Variants in RASGRF1 observed in about 807,000 individuals in gnomAD.
The protein encoded by RASGRF1 is ras-specific guanine nucleotide-releasing factor 1.
A neutral mutation model predicts 138.7 loss-of-function variants in RASGRF1; 40 were observed. The observed-to-expected ratio is 0.29, with a 90% CI of 0.22 to 0.38. The LOEUF is 0.38. Among genes scored for constraint, RASGRF1 ranks in the 10% least tolerant of loss-of-function variants. RASGRF1 has a pLI of 1.00. For missense variants in RASGRF1, 1,108 were observed against 1,650.4 expected (o/e 0.67, Z 5.69); for synonymous variants, 614 against 663.2 (o/e 0.93, Z 1.14).
Position 78,960,405 on chromosome 15 carries a change from T to A in RASGRF1, c.*1739A>T, listed in dbSNP as rs1414475985. On this transcript the variant is annotated 3_prime_UTR_variant, in exon 27 of 27. Coordinates refer to ENST00000558480, the MANE Select transcript of RASGRF1 (RefSeq NM_001145648.3). ...CAGCCTTGTAGCTTCTGCCTGAGGC[T>A]GCTGGAACAGTCGCTCTTGGAACCC... The A allele has an allele frequency of 6.6e-6, 1 of 152,312 alleles. No individual in the cohort carries two copies. Among genetic ancestry groups the A allele is most frequent in the Non-Finnish European group, 1.5e-5 (1 of 68,166 alleles). 9.4% of individuals were successfully genotyped at this position (152,312 alleles called of 1,614,324 possible).
chr15:79,004,527 C>T (rs536132123), intron 14 of RASGRF1, among the ~76,000 whole-genome samples: 3 of 152,184 alleles, frequency 2.0e-5, no homozygotes, highest in East Asian at 1.9e-4. Context: ...CTCCCGCCTA[C>T]ACTCTCTGGC....
intron 10 of RASGRF1, among the ~76,000 whole-genome samples, chr15:79,023,817 A>G (rs2057001153): frequency 6.6e-6 from 1 of 152,144 alleles, no homozygotes; most frequent in Non-Finnish European, 1.5e-5. Context: ...GGGCTCTGTC[A>G]GAGCTCCTTT....
At chr15:78,975,324 C>T (rs951449259) in intron 24 of RASGRF1, among the ~76,000 whole-genome samples, 7 of 151,492 alleles carry the variant, frequency 4.6e-5, no homozygotes, top group African/African-American at 1.7e-4. Context: ...ATTTTTGTTC[C>T]TGTGATGCAT....
intron 21 of RASGRF1, among the ~76,000 whole-genome samples, chr15:78,990,743 CAT>C (rs2141657595): frequency 6.6e-6 from 1 of 152,334 alleles, no homozygotes; most frequent in South Asian, 2.1e-4. Flanking sequence ...CTCCTGACAT[CAT>C]AAAGTGACAG....
At position 79,078,938 on chromosome 15, in the gene RASGRF1, C is replaced by T. The variant is rs574358889; in HGVS notation, c.276+11285G>A. Among the ~76,000 whole-genome samples, 3 of 152,372 alleles carry T rather than the reference C, an allele frequency of 2.0e-5. No individual in the cohort carries two copies. In the South Asian group the frequency reaches 6.2e-4, roughly 32 times the overall value. ...CTATGTGCTCACTCATCCTCCCTGCCTGGCCTCGCTGGGAGTTGAGAGGAA... is the reference window on the plus strand; with the variant it reads ...CTATGTGCTCACTCATCCTCCCTGCTTGGCCTCGCTGGGAGTTGAGAGGAA... On this transcript the variant is annotated intron_variant, in intron 1 of 26. Transcript: ENST00000558480.
chr15:79,029,594 C>T (rs180920307), intron 8 of RASGRF1, among the ~76,000 whole-genome samples: 74 of 152,094 alleles, frequency 4.9e-4, no homozygotes, highest in African/African-American at 2.4e-4. Context: ...GGGTTATCAG[C>T]GAGCAGAGAA....
chr15:79,057,362 G>C (rs1427401379), intron 3 of RASGRF1, among the ~76,000 whole-genome samples: 1 of 152,258 alleles, frequency 6.6e-6, no homozygotes, highest in Non-Finnish European at 1.5e-5. Context: ...CTGCCTGTCT[G>C]CCATGAGTCA....
chr15:79,064,970 G>A (rs1023096874), intron 1 of RASGRF1, among the ~76,000 whole-genome samples: 6 of 152,168 alleles, frequency 3.9e-5, no homozygotes, highest in Non-Finnish European at 1.5e-5. Flanking sequence ...AAACAGACAC[G>A]GTCCCTGTAA....
intron 14 of RASGRF1, chr15:79,005,690 T>C: frequency 2.1e-6 from 2 of 957,548 alleles, no homozygotes; most frequent in Non-Finnish European, 2.5e-6. Flanking sequence ...TAGGAGGTGG[T>C]CTAAGCAAAG....
chr15:78,962,092 T>A lies in RASGRF1; in HGVS notation c.*52A>T, dbSNP rs1054671050. 31 of 1,123,442 alleles carry A rather than the reference T, an allele frequency of 2.8e-5. No individual in the cohort carries two copies. Among genetic ancestry groups the A allele is most frequent in the Non-Finnish European group, 3.8e-5 (29 of 754,870 alleles). 69.6% of individuals were successfully genotyped at this position (1,123,442 alleles called of 1,614,324 possible). ...AGTGAAACCAAACGAATATGTACAGTATCATCTAGCACATGTCCCCGGGAG... is the reference window on the plus strand; with the variant it reads ...AGTGAAACCAAACGAATATGTACAGAATCATCTAGCACATGTCCCCGGGAG... On this transcript the variant is annotated 3_prime_UTR_variant, in exon 27 of 27. Coordinates refer to ENST00000558480, the MANE Select transcript of RASGRF1 (RefSeq NM_001145648.3).
intron 8 of RASGRF1, among the ~76,000 whole-genome samples, chr15:79,028,774 A>G (rs969294441): frequency 6.6e-6 from 1 of 152,222 alleles, no homozygotes; most frequent in African/African-American, 2.4e-5. Context: ...TTCCACAGTT[A>G]AGACCAACAA....
chr15:79,049,387 G>A, intron 4 of RASGRF1, 109 bp downstream of exon 4: 1 of 991,370 alleles, frequency 1.0e-6, no homozygotes, highest in East Asian at 2.6e-5. Context: ...TTGGGGGATG[G>A]GGGGCACGCT....
intron 11 of RASGRF1, 26 bp downstream of exon 11, chr15:79,020,007 CACACACAT>C: frequency 6.2e-7 from 1 of 1,610,158 alleles, no homozygotes; most frequent in Non-Finnish European, 8.5e-7. Context: ...TCTGTGCAAG[CACACACAT>C]GCGCACATGC....
intron 4 of RASGRF1, among the ~76,000 whole-genome samples, chr15:79,048,368 C>G (rs546833486): frequency 6.6e-6 from 1 of 152,244 alleles, no homozygotes; most frequent in African/African-American, 2.4e-5. Flanking sequence ...GATGTTGTGT[C>G]CCGGCAGCAT....
At chr15:79,071,820 C>T (rs1438151240) in intron 1 of RASGRF1, among the ~76,000 whole-genome samples, 7 of 152,162 alleles carry the variant, frequency 4.6e-5, no homozygotes, top group Non-Finnish European at 7.3e-5. Context: ...TGCAAAGTGG[C>T]ACCCCATATT....
At position 79,090,389 on chromosome 15, in the gene RASGRF1, G is replaced by T; in HGVS notation, c.110C>A (p.Thr37Lys). 1 of 1,613,660 alleles carries T rather than the reference G, an allele frequency of 6.2e-7. No individual in the cohort carries two copies. Among genetic ancestry groups the T allele is most frequent in the Non-Finnish European group, 8.5e-7 (1 of 1,179,972 alleles). Reference sequence around the variant, plus strand: ...CGCGAACCACTTGGTTTGCCATTTTGTGTTGTCCGAACTCCGCTTGCTCAG... The same window carrying T: ...CGCGAACCACTTGGTTTGCCATTTTTTGTTGTCCGAACTCCGCTTGCTCAG... Reference protein sequence around the residue: ...GYLSKRSSDNTKWQTKWFALL... With the variant: ...GYLSKRSSDNKKWQTKWFALL... The change falls in exon 1 of 27, where the codon ACA becomes AAA. Residue 37 changes from threonine (T) to lysine (K), a missense_variant. Thr to Lys is a moderately conservative substitution (Grantham distance 78). Around this residue, in one of 3 missense-constraint regions of RASGRF1, gnomAD observed 253 missense variants for 329.5 expected, o/e 0.77. Coordinates refer to ENST00000558480, the MANE Select transcript of RASGRF1 (RefSeq NM_001145648.3).
chr15:79,012,479 G>C, intron 13 of RASGRF1: 1 of 1,554,686 alleles, frequency 6.4e-7, no homozygotes, highest in Non-Finnish European at 8.9e-7. Context: ...CCCGAGGACG[G>C]AGACCCCACC....
At chr15:78,991,647 G>A in intron 21 of RASGRF1, 44 bp downstream of exon 21, 1 of 1,493,410 alleles carries the variant, frequency 6.7e-7, no homozygotes, top group East Asian at 2.3e-5. Flanking sequence ...CCAAGACAGT[G>A]CCTGAGGAAG....
At chr15:79,058,277 C>T (rs1443952986) in intron 3 of RASGRF1, 57 bp downstream of exon 3, 1 of 1,574,498 alleles carries the variant, frequency 6.4e-7, no homozygotes, top group East Asian at 2.3e-5. Context: ...CCTGCAGGAG[C>T]CCAGGGTTTG....
Sources: gnomAD v4.1 joint callset for allele counts (sites outside exome capture counted in the v4.1 genomes callset) on GRCh38, gnomAD v4.1.1 for gene constraint, gnomAD v4.1.1 regional missense constraint, MANE v1.5 for transcripts, NCBI Gene and HGNC (gene_info 2026-07-23, HGNC 2026-07-21) for gene names.